Variants in KCNN2 observed in about 807,000 individuals in gnomAD.
The protein encoded by KCNN2 is potassium calcium-activated channel subfamily N member 2.
A neutral mutation model predicts 55.5 loss-of-function variants in KCNN2; 24 were observed. The observed-to-expected ratio is 0.43, with a 90% CI of 0.31 to 0.61. The LOEUF (loss-of-function observed/expected upper bound fraction) is 0.61, where lower values mean the gene tolerates loss of function less well. KCNN2 is among the 20% of genes least tolerant of loss of function. KCNN2 has a pLI of 0.08. For synonymous variants in KCNN2, 431 were observed against 336.1 expected, an observed-to-expected ratio of 1.28 and a Z score of -3.09; for missense variants, 754 against 853.6, an observed-to-expected ratio of 0.88 and a Z score of 1.45.
intron 2 of KCNN2, among the ~76,000 whole-genome samples, chr5:114,248,069 T>A (rs552245596): frequency 6.6e-6 from 1 of 152,344 alleles, no homozygotes; most frequent in African/African-American, 2.4e-5. Flanking sequence ...GTTCAACATG[T>A]TGCCTTCCTT....
intron 1 of KCNN2, among the ~76,000 whole-genome samples, chr5:114,185,159 G>A (rs569453536): frequency 2.6e-5 from 4 of 152,354 alleles, no homozygotes; most frequent in Admixed American, 6.5e-5. Context: ...AAAGGAAAGA[G>A]AGGAAAAGTG....
At chr5:114,240,405 C>G (rs1380748312) in intron 2 of KCNN2, among the ~76,000 whole-genome samples, 1 of 142,008 alleles carries the variant, frequency 7.0e-6, no homozygotes, top group Non-Finnish European at 1.5e-5. Context: ...AAAAAGAAAG[C>G]TCAAATTATA....
intron 2 of KCNN2, among the ~76,000 whole-genome samples, chr5:114,242,403 A>T (rs957615965): frequency 6.6e-6 from 1 of 152,154 alleles, no homozygotes; most frequent in Non-Finnish European, 1.5e-5. Flanking sequence ...TTGACCCAGA[A>T]ATCCTGTGTT....
intron 2 of KCNN2, among the ~76,000 whole-genome samples, chr5:114,347,834 C>A (rs1011037270): frequency 6.6e-6 from 1 of 152,202 alleles, no homozygotes; most frequent in Non-Finnish European, 1.5e-5. Flanking sequence ...GCTATCCTCA[C>A]CTCTAAGTGA....
chr5:114,140,392 G>A (rs993389531), intron 1 of KCNN2, among the ~76,000 whole-genome samples: 1 of 152,124 alleles, frequency 6.6e-6, no homozygotes, highest in Admixed American at 6.6e-5. Flanking sequence ...CCCACCTGCT[G>A]TCTCTGATCT....
chr5:114,201,488 G>A (rs141792850), intron 1 of KCNN2, among the ~76,000 whole-genome samples: 53 of 152,104 alleles, frequency 3.5e-4, no homozygotes, highest in African/African-American at 1.3e-3. Context: ...AAGAAACTGT[G>A]GAGAGTGCAA....
At chr5:114,274,810 A>G (rs1029568613) in intron 2 of KCNN2, among the ~76,000 whole-genome samples, 1 of 152,154 alleles carries the variant, frequency 6.6e-6, no homozygotes, top group Admixed American at 6.5e-5. Context: ...CTCTCTTCCT[A>G]TTTGAATACC....
intron 1 of KCNN2, among the ~76,000 whole-genome samples, chr5:114,116,287 G>T (rs1357198044): frequency 6.6e-6 from 1 of 152,186 alleles, no homozygotes; most frequent in Admixed American, 6.5e-5. Context: ...GAGGTTCTCT[G>T]CAGTCAGAGA....
At chr5:114,472,592 C>G (rs973078306) in intron 4 of KCNN2, among the ~76,000 whole-genome samples, 1 of 152,040 alleles carries the variant, frequency 6.6e-6, no homozygotes, top group Non-Finnish European at 1.5e-5. Context: ...GTTTTTATTC[C>G]TGGTGCATTG....
intron 1 of KCNN2, among the ~76,000 whole-genome samples, chr5:114,220,802 C>T (rs1038069746): frequency 6.9e-6 from 1 of 145,828 alleles, no homozygotes; most frequent in African/African-American, 2.6e-5. Flanking sequence ...CTCTAGCCTG[C>T]CTGACAGAGC....
intron 5 of KCNN2, among the ~76,000 whole-genome samples, chr5:114,474,664 C>T (rs576954413): frequency 1.3e-5 from 2 of 152,220 alleles, no homozygotes; most frequent in African/African-American, 4.8e-5. Context: ...TCATCATGTG[C>T]ATGTTTGGTC....
intron 2 of KCNN2, among the ~76,000 whole-genome samples, chr5:114,272,320 A>G (rs1399762575): frequency 6.7e-6 from 1 of 149,792 alleles, no homozygotes; most frequent in Non-Finnish European, 1.5e-5. Context: ...ACACACATAT[A>G]TGTATGTACA....
At chr5:114,277,817 G>C (rs1755522949) in intron 2 of KCNN2, among the ~76,000 whole-genome samples, 1 of 152,064 alleles carries the variant, frequency 6.6e-6, no homozygotes, top group Admixed American at 6.6e-5. Context: ...TGTTATTACC[G>C]ACCTTCTGAA....
At chr5:114,157,956 G>A (rs112016817) in intron 1 of KCNN2, among the ~76,000 whole-genome samples, 148 of 151,122 alleles carry the variant, frequency 9.8e-4, no homozygotes, top group African/African-American at 3.5e-3. Context: ...TGTAGGTTGC[G>A]TGTTCACTCT....
At chr5:114,117,733 A>G (rs1356966778) in intron 1 of KCNN2, among the ~76,000 whole-genome samples, 1 of 152,182 alleles carries the variant, frequency 6.6e-6, no homozygotes, top group South Asian at 2.1e-4. Context: ...GACCCAATAC[A>G]GAACTGGAAA....
intron 2 of KCNN2, among the ~76,000 whole-genome samples, chr5:114,265,298 C>G (rs1038973724): frequency 2.6e-5 from 4 of 151,310 alleles, no homozygotes; most frequent in African/African-American, 9.7e-5. Flanking sequence ...TTAGGGTTCT[C>G]CAGGGAAACA....
intron 2 of KCNN2, among the ~76,000 whole-genome samples, chr5:114,289,061 G>C (rs1476269235): frequency 6.6e-6 from 1 of 152,052 alleles, no homozygotes; most frequent in African/African-American, 2.4e-5. Context: ...CCTTGAACGT[G>C]GATATACAGT....
At chr5:114,161,350 A>G (rs1752776390) in intron 1 of KCNN2, among the ~76,000 whole-genome samples, 1 of 141,544 alleles carries the variant, frequency 7.1e-6, no homozygotes, top group South Asian at 2.6e-4. Flanking sequence ...CCTGGCTTGT[A>G]GAGTTTCTGC....
At chr5:114,477,985 G>A (rs1485259545) in intron 5 of KCNN2, among the ~76,000 whole-genome samples, 1 of 152,100 alleles carries the variant, frequency 6.6e-6, no homozygotes, top group Non-Finnish European at 1.5e-5. Flanking sequence ...ATTGTCCTTG[G>A]CTCACAGCCC....
Sources: allele counts gnomAD v4.1 joint callset (sites outside exome capture counted in the v4.1 genomes callset), GRCh38; gene constraint gnomAD v4.1.1; transcripts MANE v1.5; gene names NCBI Gene and HGNC (gene_info 2026-07-23, HGNC 2026-07-21).